Variants in PPP3CA observed in about 807,000 individuals in gnomAD.
The protein encoded by PPP3CA is protein phosphatase 3 catalytic subunit alpha, also known as CAM-PRP catalytic subunit.
In PPP3CA, 14 loss-of-function variants were observed where a neutral mutation model predicts 66.5. The observed-to-expected ratio is 0.21, with a 90% CI of 0.14 to 0.33. PPP3CA has a LOEUF of 0.33. Ranked by LOEUF, PPP3CA falls within the 10% of genes least tolerant of loss-of-function variation. PPP3CA has a pLI of 1.00. For synonymous variants in PPP3CA, 232 were observed against 226.2 expected (o/e 1.03, Z -0.23); for missense variants, 317 against 639.5 (o/e 0.50, Z 5.44).
intron 2 of PPP3CA, among the ~76,000 whole-genome samples, chr4:101,112,386 G>A (rs1326749943): frequency 2.0e-5 from 3 of 152,098 alleles, no homozygotes; most frequent in African/African-American, 7.2e-5. Flanking sequence ...TTGGCTTGAT[G>A]ATATAAAATA....
At chr4:101,026,353 G>GGAC (rs985584023) in intron 13 of PPP3CA, among the ~76,000 whole-genome samples, 2 of 152,144 alleles carry the variant, frequency 1.3e-5, no homozygotes, top group African/African-American at 4.8e-5. Flanking sequence ...AATCCAAAGT[G>GGAC]GACACATAAA....
At chr4:101,035,910 CCTT>C (rs1366124053) in intron 11 of PPP3CA, among the ~76,000 whole-genome samples, 3 of 152,134 alleles carry the variant, frequency 2.0e-5, no homozygotes, top group Non-Finnish European at 4.4e-5. Context: ...TCCTGCTTCT[CCTT>C]CTCCTTCTCT....
intron 13 of PPP3CA, among the ~76,000 whole-genome samples, chr4:101,027,275 A>C (rs77182531): frequency 6.6e-6 from 1 of 150,394 alleles, no homozygotes; most frequent in East Asian, 1.9e-4. Flanking sequence ...AAAAAAAAAA[A>C]GGAAAGCAGT....
chr4:101,043,050 A>G (rs1238544429), intron 10 of PPP3CA, among the ~76,000 whole-genome samples: 2 of 152,088 alleles, frequency 1.3e-5, no homozygotes, highest in Admixed American at 1.3e-4. Flanking sequence ...CATGAAATCA[A>G]TTCAATGAAC....
At chr4:101,102,503 G>T (rs2110257039) in intron 3 of PPP3CA, among the ~76,000 whole-genome samples, 1 of 152,228 alleles carries the variant, frequency 6.6e-6, no homozygotes, top group East Asian at 1.9e-4. Flanking sequence ...AGCCAATATG[G>T]AAGAAGTGGC....
At chr4:101,124,705 GAAAGAAAGAAAGAAAGAA>G (rs1560614337) in intron 2 of PPP3CA, among the ~76,000 whole-genome samples, 18 of 96,834 alleles carry the variant, frequency 1.9e-4, no homozygotes, top group African/African-American at 7.1e-4. Flanking sequence ...AAGAAAGAAA[GAAAGAAAGAAAGAAAGAA>G]AGAGAAAGAA....
intron 1 of PPP3CA, among the ~76,000 whole-genome samples, chr4:101,272,075 C>T (rs1180670660): frequency 6.6e-6 from 1 of 152,108 alleles, no homozygotes; most frequent in African/African-American, 2.4e-5. Context: ...TTCCCTTACA[C>T]CCCGCCACTC....
intron 8 of PPP3CA, among the ~76,000 whole-genome samples, chr4:101,079,684 T>C (rs1319866040): frequency 6.6e-6 from 1 of 152,234 alleles, no homozygotes; most frequent in Non-Finnish European, 1.5e-5. Flanking sequence ...TCCAGACCAA[T>C]GCTACATAGA....
At chr4:101,125,241 C>T (rs768292670) in intron 2 of PPP3CA, among the ~76,000 whole-genome samples, 5 of 152,160 alleles carry the variant, frequency 3.3e-5, no homozygotes, top group South Asian at 4.1e-4. Context: ...ATATAAACAC[C>T]GCCTTCAGGC....
intron 2 of PPP3CA, among the ~76,000 whole-genome samples, chr4:101,195,140 C>T (rs975160843): frequency 1.3e-5 from 2 of 151,532 alleles, no homozygotes; most frequent in South Asian, 4.2e-4. Flanking sequence ...GGCATGATGG[C>T]ACCTATAATC....
chr4:101,079,314 C>G (rs111776457), intron 8 of PPP3CA, among the ~76,000 whole-genome samples: 1 of 152,076 alleles, frequency 6.6e-6, no homozygotes, highest in African/African-American at 2.4e-5. Flanking sequence ...TTTTACCACC[C>G]CTTCTGGGCT....
intron 2 of PPP3CA, among the ~76,000 whole-genome samples, chr4:101,153,341 T>C (rs766013067): frequency 1.1e-4 from 16 of 152,192 alleles, no homozygotes; most frequent in Admixed American, 3.9e-4. Context: ...CCCTTAACAA[T>C]AGAACTTGCT....
chr4:101,060,154 C>T (rs1728400077), intron 10 of PPP3CA, among the ~76,000 whole-genome samples: 1 of 152,050 alleles, frequency 6.6e-6, no homozygotes, highest in South Asian at 2.1e-4. Context: ...GTGGTATGAC[C>T]ATGGCTCACT....
intron 2 of PPP3CA, among the ~76,000 whole-genome samples, chr4:101,173,090 T>C (rs575112117): frequency 6.6e-6 from 1 of 152,248 alleles, no homozygotes; most frequent in East Asian, 1.9e-4. Context: ...AGTGTAAAAG[T>C]AGAGCCATTG....
In PPP3CA at chr4:101,317,967, T is replaced by C. The variant is rs150018811; in HGVS notation, c.58+28772A>G. Among the ~76,000 whole-genome samples, 281 of 152,312 alleles carry C rather than the reference T, an allele frequency of 1.8e-3. 1 individual carries two copies. Among genetic ancestry groups the C allele is most frequent in the African/African-American group, 6.4e-3 (266 of 41,566 alleles). ...ATTTAAAAAATTATTATGTGAAAAGTAGGTTGAGATAGTACCAGATAAATG... is the reference window on the plus strand; with the variant it reads ...ATTTAAAAAATTATTATGTGAAAAGCAGGTTGAGATAGTACCAGATAAATG... On this transcript the variant is annotated intron_variant, in intron 1 of 13. Transcript: ENST00000394854.
intron 9 of PPP3CA, among the ~76,000 whole-genome samples, chr4:101,061,819 A>C (rs1020431956): frequency 1.3e-5 from 2 of 152,074 alleles, no homozygotes; most frequent in Non-Finnish European, 2.9e-5. Context: ...TTAGTACTGC[A>C]TTATTTTTAT....
chr4:101,100,087 T>A (rs1200227265), intron 3 of PPP3CA, among the ~76,000 whole-genome samples: 1 of 152,010 alleles, frequency 6.6e-6, no homozygotes. Flanking sequence ...TATACTGGTT[T>A]AAAAAGATGA....
intron 1 of PPP3CA, among the ~76,000 whole-genome samples, chr4:101,308,999 C>T (rs1022662442): frequency 3.3e-5 from 5 of 152,044 alleles, no homozygotes; most frequent in African/African-American, 7.2e-5. Flanking sequence ...TGGTGGTGTG[C>T]GTCTGTGGTC....
intron 2 of PPP3CA, among the ~76,000 whole-genome samples, chr4:101,189,525 T>A (rs190880845): frequency 6.6e-6 from 1 of 151,936 alleles, no homozygotes; most frequent in Admixed American, 6.6e-5. Context: ...TGGGATTTAA[T>A]CCCAATTCTG....
Sources: allele counts gnomAD v4.1 joint callset (sites outside exome capture counted in the v4.1 genomes callset), GRCh38; gene constraint gnomAD v4.1.1; transcripts MANE v1.5; gene names NCBI Gene and HGNC (gene_info 2026-07-23, HGNC 2026-07-21).